Variants in USP43 observed in about 807,000 individuals in gnomAD.
USP43 encodes the protein ubiquitin carboxyl-terminal hydrolase 43.
USP43 carries 33 observed loss-of-function variants against 90.7 expected under a neutral mutation model. The observed-to-expected ratio is 0.36, with a 90% CI of 0.28 to 0.49. The LOEUF (loss-of-function observed/expected upper bound fraction) is 0.49, where lower values mean the gene tolerates loss of function less well. USP43 is among the 20% of genes least tolerant of loss of function. The pLI is 0.98. For synonymous variants in USP43, 598 were observed against 615.8 expected, an observed-to-expected ratio of 0.97 and a Z score of 0.43; for missense variants, 1,274 against 1,476.4, an observed-to-expected ratio of 0.86 and a Z score of 2.25.
chr17:9,691,769 C>T (rs1183177886), intron 8 of USP43, among the ~76,000 whole-genome samples: 1 of 152,076 alleles, frequency 6.6e-6, no homozygotes, highest in East Asian at 1.9e-4. Context: ...AAAAATTAGG[C>T]CAGGTGCGGT....
rs1017166593 is a variant in USP43 at position 9,677,385 on chromosome 17, G to T, written c.969+504G>T. 8.5e-5 allele frequency among the ~76,000 whole-genome samples: 13 copies of T among 152,224 alleles called. 1 individual carries two copies. Among genetic ancestry groups the T allele is most frequent in the Non-Finnish European group, 1.5e-5 (1 of 68,036 alleles). On this transcript the variant is annotated intron_variant, in intron 5 of 14. Coordinates refer to ENST00000285199, the MANE Select transcript of USP43 (RefSeq NM_153210.5). ...CCCAAGTCACCATTGTATATTTTCA[G>T]TCTTGGCAATATAAACCAGGACAGT...
At position 9,710,077 on chromosome 17, in the gene USP43, C is replaced by G. The variant is rs765618454; in HGVS notation, c.2133C>G (p.Asn711Lys). Residue 711 changes from asparagine to lysine, a missense_variant, in exon 13 of 15, where the codon AAC becomes AAG. Around this residue, in one of 6 missense-constraint regions of USP43, gnomAD observed 285 missense variants for 349.6 expected, o/e 0.82. Coordinates refer to ENST00000285199, the MANE Select transcript of USP43 (RefSeq NM_153210.5). ...GAYILFYQKRNSIPPWSASSS... is the reference protein window; with the variant it reads ...GAYILFYQKRKSIPPWSASSS... ...ATATCCTGTTCTATCAGAAGCGGAACAGCATCCCTCCCTGGTCAGCCAGCA... is the reference window on the plus strand; with the variant it reads ...ATATCCTGTTCTATCAGAAGCGGAAGAGCATCCCTCCCTGGTCAGCCAGCA... 3.9e-6 allele frequency: 6 copies of G among 1,548,032 alleles called. No homozygotes were observed. The highest frequency in any genetic ancestry group is 5.2e-6 in the Non-Finnish European group (6 of 1,147,592).
At chr17:9,711,041 TAGA>T (rs1567678664) in intron 13 of USP43, among the ~76,000 whole-genome samples, 2 of 152,252 alleles carry the variant, frequency 1.3e-5, no homozygotes, top group Admixed American at 6.5e-5. Flanking sequence ...CTTCCATTTA[TAGA>T]AGAAGATGTT....
chr17:9,692,890 G>A lies in USP43; in HGVS notation c.1354-237G>A, dbSNP rs148724192. 3.9e-5 allele frequency among the ~76,000 whole-genome samples: 6 copies of A among 152,164 alleles called. No individual in the cohort carries two copies. The East Asian group carries it at 5.8e-4, about 15-fold the overall frequency. On this transcript the variant is annotated intron_variant, in intron 8 of 14. Transcript: ENST00000285199. ...TTTAAACACACTGTGTTCATTTTTG[G>A]GGGGAAGATGTAACATATTAAACAC...
chr17:9,659,168 T>C (rs1912464561), intron 2 of USP43, among the ~76,000 whole-genome samples: 1 of 152,210 alleles, frequency 6.6e-6, no homozygotes, highest in Non-Finnish European at 1.5e-5. Context: ...AAGTTTATAG[T>C]GAACACATTT....
chr17:9,677,144 C>T (rs961606393), intron 5 of USP43, among the ~76,000 whole-genome samples: 5 of 152,202 alleles, frequency 3.3e-5, no homozygotes, highest in African/African-American at 9.7e-5. Context: ...GCAATAGCTA[C>T]CCCTAGGTAG....
intron 1 of USP43, chr17:9,647,061 C>CAAAAAAAAAAAAAAAAAAAAAAAAA (rs11305216): frequency 8.8e-5 from 7 of 79,786 alleles, no homozygotes; most frequent in Admixed American, 1.5e-4. Context: ...TTGCTTCCTG[C>CAAAAAAAAAAAAAAAAAAAAAAAAA]AAAAAAAAAA....
intron 1 of USP43, among the ~76,000 whole-genome samples, chr17:9,652,910 A>G (rs1412455644): frequency 2.6e-5 from 4 of 152,214 alleles, no homozygotes; most frequent in East Asian, 1.9e-4. Context: ...CTATAAATAT[A>G]TACATAAAAC....
rs373050216 is a variant in USP43, at chr17:9,648,903, TTCTC to T, written c.504+2778_504+2781del. Among the ~76,000 whole-genome samples the T allele has an allele frequency of 4.1e-4, 60 of 145,688 alleles. 1 individual carries two copies. Among genetic ancestry groups the T allele is most frequent in the Non-Finnish European group, 4.2e-4 (28 of 66,094 alleles). On this transcript the variant is annotated intron_variant, in intron 1 of 14. Transcript: ENST00000285199. ...TTCCTTCCTCTTTCTTTCTTTTTCT[TTCTC>T]TCTCTCTCTCCCACTCTTTCTGTCT...
At chr17:9,684,390 T>C (rs1234842626) in intron 7 of USP43, among the ~76,000 whole-genome samples, 1 of 152,120 alleles carries the variant, frequency 6.6e-6, no homozygotes, top group Non-Finnish European at 1.5e-5. Context: ...CTCTTGAAAA[T>C]TAAGGAGATA....
chr17:9,675,056 C>A, intron 4 of USP43, 73 bp downstream of exon 4: 1 of 1,289,544 alleles, frequency 7.8e-7, no homozygotes, highest in Non-Finnish European at 1.1e-6. Flanking sequence ...CTTCTGGCCT[C>A]ACACCTGCCA....
chr17:9,701,843 G>C lies in USP43; in HGVS notation c.2011+143G>C. ...CACCCACCGCACACCAGGAAGATGAGGATGAGGAAAACAAAGATGAATAAG... is the reference window on the plus strand; with the variant it reads ...CACCCACCGCACACCAGGAAGATGACGATGAGGAAAACAAAGATGAATAAG... On this transcript the variant is annotated intron_variant, in intron 12 of 14. Transcript: ENST00000285199. The surrounding 1 kb of genome is among the most constrained non-coding windows in gnomAD (Gnocchi z 7.2). 1 of 725,484 alleles carries C rather than the reference G, an allele frequency of 1.4e-6. No homozygotes were observed. The allele number at this position is 725,484 out of a possible 1,614,324, so 44.9% of individuals were successfully genotyped here.
At chr17:9,663,066 C>G (rs1424251370) in intron 2 of USP43, among the ~76,000 whole-genome samples, 1 of 151,972 alleles carries the variant, frequency 6.6e-6, no homozygotes, top group Non-Finnish European at 1.5e-5. Context: ...AATCCACTCA[C>G]CTCGGCTTCC....
intron 14 of USP43, among the ~76,000 whole-genome samples, chr17:9,720,549 C>T (rs909636223): frequency 1.1e-4 from 16 of 151,592 alleles, no homozygotes; most frequent in African/African-American, 2.9e-4. Flanking sequence ...AGTGCAGTGG[C>T]GCAATCTCTG....
At chr17:9,681,091 AT>A (rs1914146847) in intron 6 of USP43, among the ~76,000 whole-genome samples, 1 of 127,464 alleles carries the variant, frequency 7.8e-6, no homozygotes, top group East Asian at 2.2e-4. Flanking sequence ...ATAATATAAT[AT>A]ATGACATATA....
At chr17:9,664,816 T>G (rs1184825308) in intron 2 of USP43, among the ~76,000 whole-genome samples, 3 of 152,082 alleles carry the variant, frequency 2.0e-5, no homozygotes, top group African/African-American at 7.2e-5. Flanking sequence ...TTTTTATATT[T>G]TTAGTAGAGG....
intron 1 of USP43, among the ~76,000 whole-genome samples, chr17:9,646,842 C>A (rs1351161622): frequency 6.6e-6 from 1 of 151,942 alleles, no homozygotes; most frequent in Non-Finnish European, 1.5e-5. Flanking sequence ...GAGATAGCAT[C>A]CTTTTGTTTA....
chr17:9,656,488 TACATGAGG>T lies in USP43; in HGVS notation c.593_600del (p.His198ProfsTer16), dbSNP rs1381388596. Reference sequence around the variant, plus strand: ...TTCCTGCTCTGGTTGCTGGATCGTGTACATGAGGACCTGGAGGGTTCATCCCGAGGGCC... The same window carrying T: ...TTCCTGCTCTGGTTGCTGGATCGTGTACCTGGAGGGTTCATCCCGAGGGCC... On this transcript the variant is annotated frameshift_variant, in exon 2 of 15. Coordinates refer to ENST00000285199, the MANE Select transcript of USP43 (RefSeq NM_153210.5). LOFTEE classifies it high-confidence loss of function. 1 of 1,610,814 alleles carries T rather than the reference TACATGAGG, an allele frequency of 6.2e-7. No homozygotes were observed. The highest frequency in any genetic ancestry group is 8.5e-7 in the Non-Finnish European group (1 of 1,178,626).
At chr17:9,654,214 C>T (rs566784073) in intron 1 of USP43, among the ~76,000 whole-genome samples, 1 of 152,114 alleles carries the variant, frequency 6.6e-6, no homozygotes, top group African/African-American at 2.4e-5. Context: ...AGTGTAAATA[C>T]GTCCCAAATA....
Sources: allele counts gnomAD v4.1 joint callset (sites outside exome capture counted in the v4.1 genomes callset), GRCh38; gene constraint gnomAD v4.1.1; regional missense constraint gnomAD v4.1.1; non-coding constraint Gnocchi (gnomAD v3.1); transcripts MANE v1.5; gene names NCBI Gene and HGNC (gene_info 2026-07-23, HGNC 2026-07-21).